Variants in ZNF676 observed in about 807,000 individuals in gnomAD.
ZNF676 encodes zinc finger protein 676.
A neutral mutation model predicts 6.0 loss-of-function variants in ZNF676; 4 were observed. That is an observed-to-expected ratio of 0.67 (90% CI 0.33 to 1.53). The LOEUF (loss-of-function observed/expected upper bound fraction) is 1.53. ZNF676 is among the 40% of genes most tolerant of loss of function. The pLI is 0.06. For missense variants in ZNF676, 644 were observed against 679.7 expected (o/e 0.95, Z 0.58); for synonymous variants, 198 against 223.1 (o/e 0.89, Z 1.00).
the ZNF676 span, among the ~76,000 whole-genome samples, chr19:22,230,350 G>A: frequency 1.2e-4 from 19 of 152,220 alleles, no homozygotes; most frequent in South Asian, 4.2e-4. Context: ...ACCTGTCAGC[G>A]GGTGGGGGGC....
chr19:22,250,766 C>T, the ZNF676 span, among the ~76,000 whole-genome samples: 1 of 150,650 alleles, frequency 6.6e-6, no homozygotes, highest in African/African-American at 2.4e-5. Context: ...GCCTGGGGTA[C>T]AATGGTGTGA....
intron 2 of ZNF676, among the ~76,000 whole-genome samples, chr19:22,184,898 C>G (rs2023813751): frequency 6.6e-6 from 1 of 150,526 alleles, no homozygotes; most frequent in African/African-American, 2.5e-5. Context: ...ACCCATCTCC[C>G]TGGGACAGAG....
At chr19:22,220,461 GT>G (rs58810797), upstream of ZNF676, among the ~76,000 whole-genome samples, 699 of 115,394 alleles carry the variant, frequency 6.1e-3, 6 homozygotes, top group African/African-American at 0.02. Flanking sequence ...TTTGTTGGCA[GT>G]TTTTTTTTTT....
the ZNF676 span, among the ~76,000 whole-genome samples, chr19:22,242,203 A>T: frequency 1.3e-5 from 2 of 151,958 alleles, 1 homozygote; most frequent in African/African-American, 4.9e-5. Context: ...TTGTCAGTAG[A>T]GAGTGAGCAG....
chr19:22,212,199 C>CAAAA (rs34421901), intron 1 of ZNF676, among the ~76,000 whole-genome samples: 10 of 119,112 alleles, frequency 8.4e-5, no homozygotes, highest in Admixed American at 2.7e-4. Context: ...GATTCTGTCT[C>CAAAA]AAAAAAAAAA....
chr19:22,197,088 T>G (rs2023975029), upstream of ZNF676: 1 of 214,558 alleles, frequency 4.7e-6, no homozygotes, highest in African/African-American at 2.4e-5. Flanking sequence ...TTTGGGAGGC[T>G]GAGGTGGGCA....
the ZNF676 span, chr19:22,244,836 C>G: frequency 1.3e-5 from 2 of 152,214 alleles, no homozygotes; most frequent in African/African-American, 4.8e-5. Flanking sequence ...TGTAGGTGTT[C>G]GGTCCAGCTA....
chr19:22,230,629 ATATG>A, the ZNF676 span, among the ~76,000 whole-genome samples: 3 of 150,622 alleles, frequency 2.0e-5, no homozygotes, highest in South Asian at 2.1e-4. Context: ...TATATTATAT[ATATG>A]TATGTGTACA....
intron 1 of ZNF676, among the ~76,000 whole-genome samples, chr19:22,214,104 A>G (rs1312833354): frequency 1.3e-5 from 2 of 152,206 alleles, no homozygotes; most frequent in Non-Finnish European, 2.9e-5. Context: ...GGGAGGGGAA[A>G]CTGGCATTTG....
the ZNF676 span, among the ~76,000 whole-genome samples, chr19:22,249,753 G>A: frequency 3.6e-5 from 2 of 54,990 alleles, no homozygotes; most frequent in Non-Finnish European, 7.3e-5. Context: ...TGGAATATAA[G>A]TACAACGGGT....
rs1004767077 is a variant in ZNF676 at position 22,179,751 on chromosome 19, C to T, written c.*199G>A. The T allele has an allele frequency of 2.5e-4, 190 of 763,052 alleles. 1 individual carries two copies. Among genetic ancestry groups the T allele is most frequent in the Middle Eastern group, 9.4e-4 (4 of 4,264 alleles). The allele number at this position is 763,052 out of a possible 1,614,324, so 47.3% of individuals were successfully genotyped here. Reference sequence around the variant, plus strand: ...TCTTATGTTCCACAAGGTTTGAGGACCGGTTGAAGCCTTTGTCACATTCTT... The same window carrying T: ...TCTTATGTTCCACAAGGTTTGAGGATCGGTTGAAGCCTTTGTCACATTCTT... On this transcript the variant is annotated 3_prime_UTR_variant, in exon 3 of 3. Coordinates refer to ENST00000397121, the MANE Select transcript of ZNF676 (RefSeq NM_001001411.3).
At chr19:22,222,462 CA>C in the ZNF676 span, among the ~76,000 whole-genome samples, 3 of 152,070 alleles carry the variant, frequency 2.0e-5, no homozygotes, top group African/African-American at 7.2e-5. Context: ...TTGCAAACAG[CA>C]ACTTTTTATT....
At chr19:22,228,378 G>A in the ZNF676 span, among the ~76,000 whole-genome samples, 5 of 152,126 alleles carry the variant, frequency 3.3e-5, no homozygotes, top group Non-Finnish European at 5.9e-5. Context: ...AGCTATTTAT[G>A]ACAGACCACA....
At chr19:22,224,689 C>T in the ZNF676 span, among the ~76,000 whole-genome samples, 1 of 152,092 alleles carries the variant, frequency 6.6e-6, no homozygotes, top group African/African-American at 2.4e-5. Context: ...TCTCTAAAAT[C>T]TATTTAAGTG....
chr19:22,196,763 G>A lies in ZNF676; in HGVS notation c.-130C>T, dbSNP rs1250345276. ...ACACAAACACATATATTTACCAATT[G>A]GTCATGGGCAGAACTTTTAATGTGA... On this transcript the variant is annotated 5_prime_UTR_variant, in exon 1 of 3. Transcript: ENST00000397121. The A allele has an allele frequency of 1.3e-6, 2 of 1,548,620 alleles. No homozygotes were observed. Among genetic ancestry groups the A allele is most frequent in the Non-Finnish European group, 1.8e-6 (2 of 1,126,970 alleles).
chr19:22,252,382 G>T, the ZNF676 span, among the ~76,000 whole-genome samples: 1 of 130,602 alleles, frequency 7.7e-6, no homozygotes. Flanking sequence ...GCAACAGAGT[G>T]AGACTCTGTC....
the ZNF676 span, among the ~76,000 whole-genome samples, chr19:22,258,604 G>A: frequency 6.6e-6 from 1 of 152,158 alleles, no homozygotes; most frequent in Admixed American, 6.5e-5. Flanking sequence ...CTGTAGGCAA[G>A]GCCTAGGCAG....
At chr19:22,216,828 C>A (rs959352041), upstream of ZNF676, among the ~76,000 whole-genome samples, 2 of 149,796 alleles carry the variant, frequency 1.3e-5, no homozygotes, top group Non-Finnish European at 3.0e-5. Context: ...ACCAGCTATT[C>A]GGGGGCTAAA....
intron 1 of ZNF676, among the ~76,000 whole-genome samples, chr19:22,212,522 T>TG (rs2024139925): frequency 6.6e-6 from 1 of 151,382 alleles, no homozygotes; most frequent in Non-Finnish European, 1.5e-5. Flanking sequence ...CTGGCCAACA[T>TG]GGTGAACCCC....
Sources: allele counts gnomAD v4.1 joint callset (sites outside exome capture counted in the v4.1 genomes callset), GRCh38; gene constraint gnomAD v4.1.1; transcripts MANE v1.5; gene names NCBI Gene and HGNC (gene_info 2026-07-23, HGNC 2026-07-21).